Variants in FERMT2 observed in about 807,000 individuals in gnomAD.
The protein encoded by FERMT2 is fermitin family homolog 2.
FERMT2 carries 15 observed loss-of-function variants against 82.7 expected under a neutral mutation model. The observed-to-expected ratio is 0.18, with a 90% confidence interval of 0.12 to 0.28. FERMT2 has a LOEUF of 0.28. Among genes scored for constraint, FERMT2 ranks in the 10% least tolerant of loss-of-function variants. The pLI, the probability that FERMT2 is intolerant of heterozygous loss-of-function variation, is 1.00. For synonymous variants in FERMT2, 274 were observed against 271.5 expected (o/e 1.01, Z -0.09); for missense variants, 645 against 809.4 (o/e 0.80, Z 2.46).
intron 2 of FERMT2, among the ~76,000 whole-genome samples, chr14:52,927,358 A>C (rs1276155054): frequency 6.6e-6 from 1 of 152,092 alleles, no homozygotes; most frequent in Non-Finnish European, 1.5e-5. Flanking sequence ...GCTTGCTTAC[A>C]CTTAGAAAAT....
At chr14:52,896,380 A>T (rs1887254662) in intron 3 of FERMT2, among the ~76,000 whole-genome samples, 1 of 152,168 alleles carries the variant, frequency 6.6e-6, no homozygotes, top group Non-Finnish European at 1.5e-5. Context: ...CATCCACTAG[A>T]TTCAACCCAA....
rs373524247 is a variant in FERMT2, at chr14:52,881,479, A to G, written c.527-10T>C. On this transcript the variant is annotated splice_polypyrimidine_tract_variant and intron_variant, in intron 4 of 14. Coordinates refer to ENST00000341590, the MANE Select transcript of FERMT2 (RefSeq NM_006832.3). The stretch of plus-strand genomic sequence containing the variant: ...CTTGAATATATACTTCCTAATAAGT[A>G]ACATGAAAAACAGGTAGTAAGTATG... 2.6e-6 allele frequency: 4 copies of G among 1,556,258 alleles called. No homozygotes were observed. In the African/African-American group the frequency reaches 4.1e-5, roughly 16 times the overall value.
chr14:52,897,015 C>CAT (rs1361237923), intron 3 of FERMT2, among the ~76,000 whole-genome samples: 1 of 146,192 alleles, frequency 6.8e-6, no homozygotes, highest in African/African-American at 2.5e-5. Context: ...CACACACACA[C>CAT]ACACACACAC....
At chr14:52,900,135 G>A (rs1170091233) in intron 3 of FERMT2, among the ~76,000 whole-genome samples, 2 of 151,932 alleles carry the variant, frequency 1.3e-5, no homozygotes, top group African/African-American at 4.8e-5. Flanking sequence ...AAAGATAGGG[G>A]CTCACTGTCA....
intron 3 of FERMT2, among the ~76,000 whole-genome samples, chr14:52,913,127 G>C (rs1220343835): frequency 6.6e-6 from 1 of 151,746 alleles, no homozygotes; most frequent in Non-Finnish European, 1.5e-5. Flanking sequence ...AACACAACTG[G>C]GGATAAAAAG....
intron 2 of FERMT2, among the ~76,000 whole-genome samples, chr14:52,942,691 T>C (rs1217807076): frequency 6.6e-6 from 1 of 152,106 alleles, no homozygotes; most frequent in Non-Finnish European, 1.5e-5. Flanking sequence ...ACCAGTAAAG[T>C]AGCAGACAGA....
intron 13 of FERMT2, 104 bp from the exon 14 acceptor site, chr14:52,859,818 T>TTA: frequency 4.8e-6 from 3 of 624,946 alleles, no homozygotes; most frequent in Non-Finnish European, 5.0e-6. Context: ...AAGAGTACTA[T>TTA]TCTTTTTTTT....
chr14:52,872,279 G>C (rs1161214583), intron 10 of FERMT2: 1 of 153,490 alleles, frequency 6.5e-6, no homozygotes, highest in East Asian at 1.9e-4. Context: ...GAATCAGCTT[G>C]GTGTGGTGGC....
intron 2 of FERMT2, among the ~76,000 whole-genome samples, chr14:52,935,821 T>C (rs368172530): frequency 1.3e-5 from 2 of 152,242 alleles, no homozygotes; most frequent in South Asian, 2.1e-4. Flanking sequence ...AGTTTACAAA[T>C]AGCCTTTTGA....
rs144560353 is a variant in FERMT2, at chr14:52,869,427, T to C, written c.1273+3372A>G. Among the ~76,000 whole-genome samples, 375 of 152,326 alleles carry C rather than the reference T, an allele frequency of 2.5e-3. 4 individuals are homozygous for C. The highest frequency in any genetic ancestry group is 8.6e-3 in the African/African-American group (359 of 41,560). Reference sequence around the variant, plus strand: ...TTGAAATACGGTAAATCTATCCTAATGTACAATATACAGTCACGCATTGCA... The same window carrying C: ...TTGAAATACGGTAAATCTATCCTAACGTACAATATACAGTCACGCATTGCA... On this transcript the variant is annotated intron_variant, in intron 10 of 14. Coordinates refer to ENST00000341590, the MANE Select transcript of FERMT2 (RefSeq NM_006832.3).
intron 4 of FERMT2, among the ~76,000 whole-genome samples, chr14:52,892,013 C>A (rs1162668749): frequency 6.6e-6 from 1 of 152,030 alleles, no homozygotes; most frequent in East Asian, 1.9e-4. Context: ...ACAGAAAAGT[C>A]TGCTGACTCA....
intron 4 of FERMT2, among the ~76,000 whole-genome samples, chr14:52,891,882 C>T (rs1886952611): frequency 6.6e-6 from 1 of 152,166 alleles, no homozygotes; most frequent in South Asian, 2.1e-4. Context: ...ACAGACATCA[C>T]CTGCATGCCT....
chr14:52,888,746 G>C (rs1012651679), intron 4 of FERMT2, among the ~76,000 whole-genome samples: 2 of 152,138 alleles, frequency 1.3e-5, no homozygotes, highest in African/African-American at 4.8e-5. Context: ...AACTCTCTAA[G>C]ACTTATAGAA....
intron 2 of FERMT2, among the ~76,000 whole-genome samples, chr14:52,935,248 T>G (rs2139683803): frequency 6.6e-6 from 1 of 152,308 alleles, no homozygotes; most frequent in Admixed American, 6.5e-5. Context: ...TACATATCAT[T>G]CAAACTGCAA....
In FERMT2 at chr14:52,892,159, G is replaced by GGTTTT. The variant is rs1555368978; in HGVS notation, c.526+1133_526+1134insAAAAC. ...GAATATGCAAAGCAGAGAGAAGGCT[G>GGTTTT]TTTTTTGTTTTTTTTTTTTTTTTTT... is the stretch of plus-strand genomic sequence containing the variant. On this transcript the variant is annotated intron_variant, in intron 4 of 14. Transcript: ENST00000341590. 2.1e-3 allele frequency among the ~76,000 whole-genome samples: 162 copies of GGTTTT among 78,780 alleles called. 2 individuals are homozygous for GGTTTT. Among genetic ancestry groups the GGTTTT allele is most frequent in the African/African-American group, 6.1e-3 (156 of 25,512 alleles). 51.7% of individuals were successfully genotyped at this position (78,780 alleles called of 152,430 possible).
intron 6 of FERMT2, among the ~76,000 whole-genome samples, chr14:52,879,479 T>G (rs574179195): frequency 2.0e-5 from 3 of 152,300 alleles, no homozygotes; most frequent in Non-Finnish European, 2.9e-5. Context: ...TTTTGGAGCA[T>G]TCTACATTTT....
intron 3 of FERMT2, among the ~76,000 whole-genome samples, chr14:52,912,930 G>A (rs1310704005): frequency 1.3e-5 from 2 of 152,026 alleles, no homozygotes; most frequent in African/African-American, 2.4e-5. Context: ...GCCCTATGCT[G>A]AGAATACAAA....
intron 3 of FERMT2, among the ~76,000 whole-genome samples, chr14:52,902,735 T>C (rs2139583207): frequency 6.7e-6 from 1 of 150,006 alleles, no homozygotes; most frequent in African/African-American, 2.4e-5. Flanking sequence ...CAGGCATGGT[T>C]GTGAGTGCCT....
intron 2 of FERMT2, among the ~76,000 whole-genome samples, chr14:52,935,543 T>C (rs1262319952): frequency 2.6e-5 from 4 of 152,298 alleles, no homozygotes; most frequent in African/African-American, 9.6e-5. Context: ...TCTCTCCTTC[T>C]TTCCCTCCTC....
Sources: allele counts gnomAD v4.1 joint callset (sites outside exome capture counted in the v4.1 genomes callset), GRCh38; gene constraint gnomAD v4.1.1; transcripts MANE v1.5; gene names NCBI Gene and HGNC (gene_info 2026-07-23, HGNC 2026-07-21).